The following CUX2 variants were observed in gnomAD, a reference collection of about 807,000 sequenced individuals.
CUX2 encodes the protein homeobox protein cut-like 2.
In CUX2, 40 loss-of-function variants were observed where a neutral mutation model predicts 144.8. The observed-to-expected ratio is 0.28, with a 90% CI of 0.21 to 0.36. CUX2 has a LOEUF of 0.36. Ranked by LOEUF, CUX2 falls within the 10% of genes least tolerant of loss-of-function variation. The pLI, the probability that CUX2 is intolerant of heterozygous loss-of-function variation, is 1.00. For missense variants in CUX2, 1,615 were observed against 1,994.0 expected (o/e 0.81, Z 3.62); for synonymous variants, 827 against 875.6 (o/e 0.94, Z 0.98).
intron 1 of CUX2, among the ~76,000 whole-genome samples, chr12:111,151,554 AG>A (rs1877049724): frequency 6.6e-6 from 1 of 152,146 alleles, no homozygotes; most frequent in East Asian, 1.9e-4. Flanking sequence ...TGGATTTGGG[AG>A]GGCAGCGAGA....
In CUX2 at chr12:111,246,329, C is replaced by A. The variant is rs552148012; in HGVS notation, c.223-17432C>A. Among the ~76,000 whole-genome samples the A allele has an allele frequency of 6.6e-6, 1 of 152,308 alleles. No homozygotes were observed. The highest frequency in any genetic ancestry group is 2.4e-5 in the African/African-American group (1 of 41,574). ...ACCTTTTTTATTTTTTCTCACCAGTCAGCCACTTGTTAAACCTTTACCAGC... is the reference window on the plus strand; with the variant it reads ...ACCTTTTTTATTTTTTCTCACCAGTAAGCCACTTGTTAAACCTTTACCAGC... On this transcript the variant is annotated intron_variant, in intron 3 of 21. Coordinates refer to ENST00000261726, the MANE Select transcript of CUX2 (RefSeq NM_015267.4). The surrounding 1 kb of genome is among the most constrained non-coding windows in gnomAD (Gnocchi z 4.0).
chr12:111,164,864 TC>T (rs1340724042), intron 1 of CUX2, among the ~76,000 whole-genome samples: 1 of 152,146 alleles, frequency 6.6e-6, no homozygotes, highest in East Asian at 1.9e-4. Context: ...CAGAGACTTG[TC>T]CCTGCCTGTA....
chr12:111,275,026 TTGTAC>T (rs1396312282), intron 4 of CUX2, among the ~76,000 whole-genome samples: 2 of 152,114 alleles, frequency 1.3e-5, no homozygotes, highest in African/African-American at 4.8e-5. Context: ...ATAGGCGAAG[TTGTAC>T]CCACCTCCCT....
intron 3 of CUX2, among the ~76,000 whole-genome samples, chr12:111,223,258 T>G (rs1881946228): frequency 1.3e-5 from 2 of 152,098 alleles, no homozygotes; most frequent in Non-Finnish European, 2.9e-5. Context: ...AGAAAAAATG[T>G]CTGTAGGAGC....
chr12:111,299,822 G>T (rs1886195818), intron 9 of CUX2, among the ~76,000 whole-genome samples: 1 of 152,182 alleles, frequency 6.6e-6, no homozygotes, highest in African/African-American at 2.4e-5. Flanking sequence ...TCTCTCACCA[G>T]CCCCTGGGTT....
rs1239248704 is a variant in CUX2, at chr12:111,057,625, C to T, written c.63+23385C>T. Among the ~76,000 whole-genome samples, 2 of 152,210 alleles carry T rather than the reference C, an allele frequency of 1.3e-5. No individual in the cohort carries two copies. Among genetic ancestry groups the T allele is most frequent in the Non-Finnish European group, 2.9e-5 (2 of 68,042 alleles). Reference sequence around the variant, plus strand: ...TGTCTTCCTGTGGGCCCCTCGCTCCCCACTTCTGCCAGCAGCCTCCCCTTC... The same window carrying T: ...TGTCTTCCTGTGGGCCCCTCGCTCCTCACTTCTGCCAGCAGCCTCCCCTTC... On this transcript the variant is annotated intron_variant, in intron 1 of 21. Coordinates refer to ENST00000261726, the MANE Select transcript of CUX2 (RefSeq NM_015267.4). This position sits in a 1 kb window ranked among gnomAD's most constrained non-coding sequence, Gnocchi z 5.1.
intron 3 of CUX2, among the ~76,000 whole-genome samples, chr12:111,218,578 T>A (rs977950206): frequency 2.0e-5 from 3 of 152,114 alleles, no homozygotes; most frequent in African/African-American, 7.2e-5. Flanking sequence ...TACCTCACCT[T>A]CCAGCCTTGG....
chr12:111,139,643 A>G (rs980236179), intron 1 of CUX2, among the ~76,000 whole-genome samples: 5 of 152,216 alleles, frequency 3.3e-5, no homozygotes, highest in Admixed American at 3.3e-4. Flanking sequence ...CCTTTGTATC[A>G]TGAACACCTG....
rs558267449 is a variant in CUX2, at chr12:111,157,379, G to C, written c.64-56821G>C. 3.3e-5 allele frequency among the ~76,000 whole-genome samples: 5 copies of C among 151,950 alleles called. No individual in the cohort carries two copies. The South Asian group carries it at 8.3e-4, about 25-fold the overall frequency. On this transcript the variant is annotated intron_variant, in intron 1 of 21. Transcript: ENST00000261726. ...CAGCTCATGCAAAACTCAAGCACAG[G>C]ATAGAGTTGGCATCTTATTCTGAAT...
At position 111,034,488 on chromosome 12, in the gene CUX2, G is replaced by A. The variant is rs1290617563; in HGVS notation, c.63+248G>A. 6.6e-6 allele frequency among the ~76,000 whole-genome samples: 1 copy of A among 151,682 alleles called. No homozygotes were observed. Among genetic ancestry groups the A allele is most frequent in the Non-Finnish European group, 1.5e-5 (1 of 67,876 alleles). Reference sequence around the variant, plus strand: ...ATGGAGAAGCGCTAGTGAGCCCTCGGTCGGCGGAGCGGCCGAGCGGCCAGG... The same window carrying A: ...ATGGAGAAGCGCTAGTGAGCCCTCGATCGGCGGAGCGGCCGAGCGGCCAGG... On this transcript the variant is annotated intron_variant, in intron 1 of 21. Transcript: ENST00000261726. This position sits in a 1 kb window ranked among gnomAD's most constrained non-coding sequence, Gnocchi z 4.2.
chr12:111,338,863 C>T (rs537539299), intron 20 of CUX2, among the ~76,000 whole-genome samples: 32 of 152,184 alleles, frequency 2.1e-4, no homozygotes, highest in Admixed American at 2.0e-3. Context: ...CACTGCACTC[C>T]AGCCTGTGCA....
chr12:111,230,199 G>T (rs572599776), intron 3 of CUX2, among the ~76,000 whole-genome samples: 4 of 150,574 alleles, frequency 2.7e-5, no homozygotes, highest in Admixed American at 1.3e-4. Flanking sequence ...AGCAGGAGAG[G>T]GGGGGAGGGG....
At chr12:111,137,220 C>T (rs1485546744) in intron 1 of CUX2, among the ~76,000 whole-genome samples, 1 of 152,064 alleles carries the variant, frequency 6.6e-6, no homozygotes, top group Non-Finnish European at 1.5e-5. Context: ...CAGGCATGAG[C>T]CACCACTCCC....
At chr12:111,201,572 G>T (rs550847348) in intron 1 of CUX2, among the ~76,000 whole-genome samples, 12 of 152,256 alleles carry the variant, frequency 7.9e-5, no homozygotes, top group Non-Finnish European at 1.5e-4. Flanking sequence ...CTGCATATTT[G>T]TGTGGCAGTC....
chr12:111,310,184 T>G lies in CUX2; in HGVS notation c.1402T>G (p.Leu468Val). 6.5e-7 allele frequency: 1 copy of G among 1,548,288 alleles called. No individual in the cohort carries two copies. Among genetic ancestry groups the G allele is most frequent in the East Asian group, 2.3e-5 (1 of 43,812 alleles). ...SPGQPLLGPS[L>V]GPDGTRTFSL... ...CGGGCAGCCCCTGCTGGGCCCCAGCTTGGGGCCTGACGGCACTCGGACTTT... is the reference window on the plus strand; with the variant it reads ...CGGGCAGCCCCTGCTGGGCCCCAGCGTGGGGCCTGACGGCACTCGGACTTT... Residue 468 changes from leucine (L) to valine (V), a missense_variant, in exon 15 of 22, where the codon TTG becomes GTG. Physicochemically the swap from Leu to Val is conservative, Grantham distance 32. Transcript: ENST00000261726. This position sits in a 1 kb window ranked among gnomAD's most constrained non-coding sequence, Gnocchi z 7.9.
At chr12:111,213,983 C>T (rs371012510) in intron 1 of CUX2, among the ~76,000 whole-genome samples, 5 of 151,806 alleles carry the variant, frequency 3.3e-5, no homozygotes, top group Non-Finnish European at 7.4e-5. Flanking sequence ...TGACTTCCGA[C>T]GAGCAAAAAA....
At chr12:111,213,853 G>C (rs756347936) in intron 1 of CUX2, among the ~76,000 whole-genome samples, 4 of 151,330 alleles carry the variant, frequency 2.6e-5, no homozygotes, top group Non-Finnish European at 4.4e-5. Flanking sequence ...TACAGTTACT[G>C]ACAAGCTTAT....
intron 1 of CUX2, among the ~76,000 whole-genome samples, chr12:111,159,576 G>A (rs768552502): frequency 6.6e-6 from 1 of 152,198 alleles, no homozygotes; most frequent in South Asian, 2.1e-4. Flanking sequence ...CAACTGATCT[G>A]TAATTTTTAA....
intron 1 of CUX2, among the ~76,000 whole-genome samples, chr12:111,043,355 G>A (rs1869838339): frequency 6.6e-6 from 1 of 152,140 alleles, no homozygotes; most frequent in Non-Finnish European, 1.5e-5. Flanking sequence ...CTCAGAAGAG[G>A]GAACAGCATT....
Sources: gnomAD v4.1 joint callset for allele counts (sites outside exome capture counted in the v4.1 genomes callset) on GRCh38, gnomAD v4.1.1 for gene constraint, Gnocchi (gnomAD v3.1) non-coding constraint, MANE v1.5 for transcripts, NCBI Gene and HGNC (gene_info 2026-07-23, HGNC 2026-07-21) for gene names.